NKAIN3: variants seen among roughly 807,000 people sequenced by gnomAD.
The protein encoded by NKAIN3 is sodium/potassium-transporting ATPase subunit beta-1-interacting protein 3.
Under a neutral mutation model 30.2 loss-of-function variants are expected in NKAIN3, and 25 were observed. That is an observed-to-expected ratio of 0.83 (90% CI 0.60 to 1.16). NKAIN3 has a LOEUF of 1.16. Ranked by LOEUF, NKAIN3 falls within the 50% of genes most tolerant of loss-of-function variation. NKAIN3 has a pLI of 0.00. For synonymous variants in NKAIN3, 91 were observed against 89.6 expected, an observed-to-expected ratio of 1.02 and a Z score of -0.09; for missense variants, 225 against 254.1, an observed-to-expected ratio of 0.89 and a Z score of 0.78.
intron 1 of NKAIN3, among the ~76,000 whole-genome samples, chr8:62,561,067 G>T (rs1563457854): frequency 6.6e-6 from 1 of 152,026 alleles, no homozygotes; most frequent in African/African-American, 2.4e-5. Flanking sequence ...TTTCTCTCTT[G>T]CTAGGCTGCC....
At chr8:62,362,682 C>T (rs1816603247) in intron 1 of NKAIN3, among the ~76,000 whole-genome samples, 1 of 152,176 alleles carries the variant, frequency 6.6e-6, no homozygotes, top group African/African-American at 2.4e-5. Context: ...AGAAAAACTT[C>T]AGCCGAATTA....
intron 1 of NKAIN3, among the ~76,000 whole-genome samples, chr8:62,555,653 G>A (rs1809364379): frequency 6.6e-6 from 1 of 152,036 alleles, no homozygotes; most frequent in African/African-American, 2.4e-5. Context: ...TAGGATAAGT[G>A]TAAATGTTTA....
chr8:62,630,387 C>A (rs913899015), intron 3 of NKAIN3, among the ~76,000 whole-genome samples: 8 of 152,000 alleles, frequency 5.3e-5, no homozygotes, highest in African/African-American at 1.9e-4. Flanking sequence ...ATACAGCAGA[C>A]AATTATAATG....
intron 4 of NKAIN3, among the ~76,000 whole-genome samples, chr8:62,774,524 G>A (rs536818107): frequency 6.6e-6 from 1 of 152,210 alleles, no homozygotes; most frequent in South Asian, 2.1e-4. Context: ...CCCATTTAGT[G>A]TGAGACTAGC....
At chr8:62,767,800 T>C (rs1049022057) in intron 4 of NKAIN3, among the ~76,000 whole-genome samples, 2 of 151,834 alleles carry the variant, frequency 1.3e-5, no homozygotes, top group African/African-American at 4.8e-5. Flanking sequence ...ATGTGGCAGG[T>C]CCAAATGAGA....
At chr8:62,732,647 A>G (rs1054380402) in intron 3 of NKAIN3, among the ~76,000 whole-genome samples, 9 of 152,102 alleles carry the variant, frequency 5.9e-5, no homozygotes, top group Non-Finnish European at 1.2e-4. Flanking sequence ...GGACTTGACA[A>G]TTACTACACA....
At chr8:62,517,045 CATT>C (rs145275957) in intron 1 of NKAIN3, among the ~76,000 whole-genome samples, 9,704 of 152,098 alleles carry the variant, frequency 0.064, 936 homozygotes, top group African/African-American at 0.22. Context: ...TTTGACGCCT[CATT>C]AAGTTTTACT....
In NKAIN3 at chr8:62,982,229, C is replaced by T. The variant is rs1389905802; in HGVS notation, c.*16822C>T. 6.6e-6 allele frequency: 1 copy of T among 152,180 alleles called. No homozygotes were observed. Among genetic ancestry groups the T allele is most frequent in the Non-Finnish European group, 1.5e-5 (1 of 68,028 alleles). The allele number at this position is 152,180 out of a possible 1,614,324, so 9.4% of individuals were successfully genotyped here. A position where few individuals can be genotyped will look rare whatever the true frequency, so the allele number is the denominator to read the frequency against. ...ATAAATTAAGAACAGGTACCATTTT[C>T]TCCAGATACTTCCCCTTCATCTGTC... On this transcript the variant is annotated 3_prime_UTR_variant, in exon 7 of 7. Coordinates refer to ENST00000623646, the MANE Select transcript of NKAIN3 (RefSeq NM_001304533.3).
intron 1 of NKAIN3, among the ~76,000 whole-genome samples, chr8:62,409,288 A>G (rs942318167): frequency 1.3e-4 from 20 of 152,150 alleles, no homozygotes; most frequent in African/African-American, 4.8e-4. Context: ...AGGTTAAAGC[A>G]GTTCTCCTTC....
intron 4 of NKAIN3, among the ~76,000 whole-genome samples, chr8:62,754,795 G>A (rs1029270526): frequency 6.6e-6 from 1 of 152,106 alleles, no homozygotes; most frequent in African/African-American, 2.4e-5. Flanking sequence ...TAGAATCTTT[G>A]TTCTCCAAAG....
intron 1 of NKAIN3, among the ~76,000 whole-genome samples, chr8:62,491,928 G>T (rs985918): frequency 0.68 from 102,778 of 151,884 alleles, 35,322 homozygotes; most frequent in South Asian, 0.79. Flanking sequence ...GTTTTAAAGA[G>T]GGTGTGGTCA....
chr8:62,449,299 T>A (rs1805573100), intron 1 of NKAIN3, among the ~76,000 whole-genome samples: 1 of 152,034 alleles, frequency 6.6e-6, no homozygotes, highest in Non-Finnish European at 1.5e-5. Flanking sequence ...AAGCTTACTT[T>A]ATGTGTAATC....
At chr8:62,719,182 A>T (rs1024214897) in intron 3 of NKAIN3, among the ~76,000 whole-genome samples, 3 of 152,224 alleles carry the variant, frequency 2.0e-5, no homozygotes, top group Non-Finnish European at 4.4e-5. Context: ...ACATTAGTGG[A>T]TAAAAGCAGG....
chr8:62,289,960 C>T (rs569103649), intron 1 of NKAIN3, among the ~76,000 whole-genome samples: 1 of 152,070 alleles, frequency 6.6e-6, no homozygotes, highest in East Asian at 1.9e-4. Context: ...TCCTTCACAT[C>T]CCTTGTAAGT....
At chr8:62,394,978 C>CATT (rs1817700554) in intron 1 of NKAIN3, among the ~76,000 whole-genome samples, 7 of 148,928 alleles carry the variant, frequency 4.7e-5, no homozygotes, top group South Asian at 2.1e-4. Context: ...ACTTCCCAGA[C>CATT]GGGTCGGCGG....
At position 62,294,340 on chromosome 8, in the gene NKAIN3, C is replaced by T. The variant is rs1481178209; in HGVS notation, c.54+45213C>T. 2.6e-5 allele frequency among the ~76,000 whole-genome samples: 4 copies of T among 152,130 alleles called. No individual in the cohort carries two copies. In the East Asian group the frequency reaches 7.7e-4, roughly 29 times the overall value. ...CAGACTGGAGCTGTTCCTATTCAGC[C>T]ATCTTCAGCCTAGTTCCTTTCTGAG... On this transcript the variant is annotated intron_variant, in intron 1 of 6. Transcript: ENST00000623646.
intron 5 of NKAIN3, among the ~76,000 whole-genome samples, chr8:62,923,287 T>C (rs1442889686): frequency 6.6e-6 from 1 of 151,902 alleles, no homozygotes; most frequent in Non-Finnish European, 1.5e-5. Flanking sequence ...ATCCTGCCAC[T>C]GCACTCCAGC....
At chr8:62,707,451 G>GT (rs1344027772) in intron 3 of NKAIN3, among the ~76,000 whole-genome samples, 1 of 152,000 alleles carries the variant, frequency 6.6e-6, no homozygotes, top group East Asian at 1.9e-4. Context: ...TCATATTGTG[G>GT]TTTTGATTTG....
intron 1 of NKAIN3, among the ~76,000 whole-genome samples, chr8:62,330,040 C>T (rs907977465): frequency 6.6e-6 from 1 of 151,800 alleles, no homozygotes; most frequent in African/African-American, 2.4e-5. Context: ...CAAGAACAGC[C>T]AAATGAATGA....
Sources: allele counts gnomAD v4.1 joint callset (sites outside exome capture counted in the v4.1 genomes callset), GRCh38; gene constraint gnomAD v4.1.1; transcripts MANE v1.5; gene names NCBI Gene and HGNC (gene_info 2026-07-23, HGNC 2026-07-21).